Variants in TNIK observed in about 807,000 individuals in gnomAD.
TNIK encodes TRAF2 and NCK-interacting protein kinase.
A neutral mutation model predicts 191.3 loss-of-function variants in TNIK; 49 were observed. The observed-to-expected ratio is 0.26, with a 90% CI of 0.20 to 0.32. TNIK has a LOEUF of 0.32. TNIK is among the 10% of genes least tolerant of loss of function. TNIK has a pLI of 1.00. For missense variants in TNIK, 1,155 were observed against 1,702.3 expected (o/e 0.68, Z 5.66); for synonymous variants, 594 against 600.9 (o/e 0.99, Z 0.17).
chr3:171,447,052 G>C (rs369996996), intron 1 of TNIK, among the ~76,000 whole-genome samples: 1 of 152,024 alleles, frequency 6.6e-6, no homozygotes, highest in Non-Finnish European at 1.5e-5. Flanking sequence ...TTAGTTGGGC[G>C]TGGTGGCGAG....
chr3:171,424,148 C>T (rs1368317716), intron 1 of TNIK, among the ~76,000 whole-genome samples: 2 of 152,112 alleles, frequency 1.3e-5, no homozygotes, highest in African/African-American at 4.8e-5. Context: ...AAAAAACAAA[C>T]AACCCCATCA....
chr3:171,272,655 A>G (rs1328407220), intron 2 of TNIK, among the ~76,000 whole-genome samples: 1 of 150,786 alleles, frequency 6.6e-6, no homozygotes, highest in Non-Finnish European at 1.5e-5. Context: ...CATTTCCTTC[A>G]TTGTATTTCT....
chr3:171,122,720 T>C (rs573459408), intron 18 of TNIK, among the ~76,000 whole-genome samples: 1 of 152,350 alleles, frequency 6.6e-6, no homozygotes, highest in Admixed American at 6.5e-5. Context: ...CCTTTTATTA[T>C]GAACACAATG....
rs372297762 is a variant in TNIK, at chr3:171,234,527, T to G, written c.124-6306A>C. ...CTTGGCACCTCTGAGTGACAGAAAA[T>G]GGATTGCTTTCAAGACTGTTCAGGG... is the stretch of plus-strand genomic sequence containing the variant. On this transcript the variant is annotated intron_variant, in intron 2 of 32. Coordinates refer to ENST00000436636, the MANE Select transcript of TNIK (RefSeq NM_015028.4). 2.2e-4 allele frequency among the ~76,000 whole-genome samples: 33 copies of G among 152,126 alleles called. No individual in the cohort carries two copies. The East Asian group carries it at 6.0e-3, about 28-fold the overall frequency.
At chr3:171,275,926 A>T (rs1577325561) in intron 2 of TNIK, among the ~76,000 whole-genome samples, 1 of 151,806 alleles carries the variant, frequency 6.6e-6, no homozygotes, top group African/African-American at 2.4e-5. Context: ...ATAATAAAAA[A>T]TTAAAAAAAT....
At chr3:171,244,074 T>TTTG (rs1238325013) in intron 2 of TNIK, among the ~76,000 whole-genome samples, 1 of 151,178 alleles carries the variant, frequency 6.6e-6, no homozygotes, top group Non-Finnish European at 1.5e-5. Context: ...TTTTTTTTTT[T>TTTG]TTTTAAGACA....
chr3:171,316,107 TG>T (rs1332959682), intron 2 of TNIK, among the ~76,000 whole-genome samples: 1 of 152,118 alleles, frequency 6.6e-6, no homozygotes, highest in Non-Finnish European at 1.5e-5. Context: ...TTTAGCTTTG[TG>T]GGTTTGGTGC....
chr3:171,443,957 A>AT (rs1727160706), intron 1 of TNIK, among the ~76,000 whole-genome samples: 1 of 152,222 alleles, frequency 6.6e-6, no homozygotes, highest in African/African-American at 2.4e-5. Flanking sequence ...TTAACCAGGT[A>AT]TTTTTTATAT....
At chr3:171,311,118 G>GT (rs1682047507) in intron 2 of TNIK, among the ~76,000 whole-genome samples, 1 of 151,486 alleles carries the variant, frequency 6.6e-6, no homozygotes, top group African/African-American at 2.4e-5. Context: ...ATAAAAGCAT[G>GT]TCCCCACAGT....
At chr3:171,201,997 A>C (rs1210269506) in intron 4 of TNIK, among the ~76,000 whole-genome samples, 1 of 152,224 alleles carries the variant, frequency 6.6e-6, no homozygotes, top group Non-Finnish European at 1.5e-5. Flanking sequence ...AGACAGTTTG[A>C]ATATACCGAG....
intron 3 of TNIK, among the ~76,000 whole-genome samples, chr3:171,226,175 A>G (rs544996253): frequency 3.3e-5 from 5 of 152,176 alleles, no homozygotes; most frequent in Non-Finnish European, 5.9e-5. Context: ...AAGTAGACAC[A>G]TTAGTAGAAT....
intron 17 of TNIK, among the ~76,000 whole-genome samples, chr3:171,125,122 G>A (rs532027482): frequency 1.2e-4 from 18 of 152,314 alleles, no homozygotes; most frequent in African/African-American, 3.6e-4. Context: ...TCTGCAAATT[G>A]TGGAACATTC....
chr3:171,214,232 C>CA (rs2108925899), intron 3 of TNIK, among the ~76,000 whole-genome samples: 2 of 151,744 alleles, frequency 1.3e-5, no homozygotes, highest in South Asian at 4.2e-4. Context: ...CTAGATGAGA[C>CA]AAGAACTCAT....
intron 1 of TNIK, among the ~76,000 whole-genome samples, chr3:171,373,476 C>T (rs1193608809): frequency 6.6e-6 from 1 of 152,200 alleles, no homozygotes; most frequent in Non-Finnish European, 1.5e-5. Context: ...TCCATCTACT[C>T]CACTCCATTC....
chr3:171,190,836 T>C (rs1249348983), intron 5 of TNIK, 49 bp from the exon 6 acceptor site: 12 of 1,391,194 alleles, frequency 8.6e-6, no homozygotes, highest in African/African-American at 1.4e-5. Flanking sequence ...TAAGCCAAGA[T>C]GCCAATAAAT....
At chr3:171,249,699 C>T (rs772659274) in intron 2 of TNIK, among the ~76,000 whole-genome samples, 11 of 152,084 alleles carry the variant, frequency 7.2e-5, no homozygotes, top group African/African-American at 1.2e-4. Context: ...CTGTCTTGTA[C>T]GATATATATT....
chr3:171,434,293 A>G (rs1379502135), intron 1 of TNIK, among the ~76,000 whole-genome samples: 1 of 152,050 alleles, frequency 6.6e-6, no homozygotes, highest in Non-Finnish European at 1.5e-5. Flanking sequence ...GCTCACAAAA[A>G]TACTATTGAT....
At position 171,111,624 on chromosome 3, in the gene TNIK, T is replaced by C. The variant is rs745572970; in HGVS notation, c.2121-747A>G. On this transcript the variant is annotated intron_variant, in intron 18 of 32. Coordinates refer to ENST00000436636, the MANE Select transcript of TNIK (RefSeq NM_015028.4). ...TGAAGGTTCCGCAAAAGACTAAAAA[T>C]AGAATTATCATAGGATCCAGAGATT... 1.1e-4 allele frequency among the ~76,000 whole-genome samples: 16 copies of C among 152,054 alleles called. 1 individual carries two copies. Among genetic ancestry groups the C allele is most frequent in the Admixed American group, 2.0e-4 (3 of 15,276 alleles).
intron 12 of TNIK, among the ~76,000 whole-genome samples, chr3:171,152,579 T>C (rs1732588180): frequency 1.3e-5 from 2 of 151,876 alleles, no homozygotes; most frequent in Admixed American, 6.6e-5. Context: ...GAAGTGGAGG[T>C]GTGGAGAGAA....
Sources: allele counts gnomAD v4.1 joint callset (sites outside exome capture counted in the v4.1 genomes callset), GRCh38; gene constraint gnomAD v4.1.1; transcripts MANE v1.5; gene names NCBI Gene and HGNC (gene_info 2026-07-23, HGNC 2026-07-21).